Variants in MTMR14 observed in about 807,000 individuals in gnomAD.
The protein encoded by MTMR14 is myotubularin related protein 14.
In MTMR14, 48 loss-of-function variants were observed where a neutral mutation model predicts 86.3. The observed-to-expected ratio is 0.56, with a 90% CI of 0.44 to 0.71. The LOEUF (loss-of-function observed/expected upper bound fraction) is 0.71. Among genes scored for constraint, MTMR14 ranks in the 30% least tolerant of loss-of-function variants. The pLI, the probability that MTMR14 is intolerant of heterozygous loss-of-function variation, is 0.00. For missense variants in MTMR14, 780 were observed against 834.6 expected (o/e 0.93, Z 0.81); for synonymous variants, 366 against 326.1 (o/e 1.12, Z -1.32).
intron 2 of MTMR14, 57 bp downstream of exon 2, chr3:9,653,826 T>G: frequency 6.2e-7 from 1 of 1,610,414 alleles, no homozygotes; most frequent in South Asian, 1.1e-5. Context: ...AGCTAATCCC[T>G]GTGGCCAGGA....
rs569533704 is a variant in MTMR14 at position 9,677,953 on chromosome 3, C to G, written c.823-31C>G. On this transcript the variant is annotated intron_variant, in intron 8 of 18. Coordinates refer to ENST00000296003, the MANE Select transcript of MTMR14 (RefSeq NM_001077525.3). This position sits in a 1 kb window ranked among gnomAD's most constrained non-coding sequence, Gnocchi z 4.2. Reference sequence around the variant, plus strand: ...ACCTAAGCCTCCTCTGGTGGCCAACCCACATCTCACAGGAGTCTTTCTGTC... The same window carrying G: ...ACCTAAGCCTCCTCTGGTGGCCAACGCACATCTCACAGGAGTCTTTCTGTC... The G allele has an allele frequency of 9.9e-6, 16 of 1,610,960 alleles. No individual in the cohort carries two copies. In the South Asian group the frequency reaches 1.3e-4, roughly 13 times the overall value.
intron 1 of MTMR14, among the ~76,000 whole-genome samples, chr3:9,653,280 G>A (rs539933253): frequency 6.6e-6 from 1 of 152,322 alleles, no homozygotes; most frequent in Admixed American, 6.5e-5. Context: ...GAAGGTAGTG[G>A]ATTAGTGGCA....
chr3:9,650,519 CAG>C (rs1208655317), intron 1 of MTMR14: 1 of 367,340 alleles, frequency 2.7e-6, no homozygotes, highest in Non-Finnish European at 5.6e-6. Context: ...GATTTGACCT[CAG>C]AGATTACCGT....
chr3:9,682,953 C>T (rs1001765325), intron 9 of MTMR14, among the ~76,000 whole-genome samples: 3 of 152,026 alleles, frequency 2.0e-5, no homozygotes, highest in South Asian at 4.2e-4. Flanking sequence ...CGCCCCCGCC[C>T]CCCGAGTAGG....
At chr3:9,662,060 C>T (rs1418059877) in intron 2 of MTMR14, among the ~76,000 whole-genome samples, 1 of 151,722 alleles carries the variant, frequency 6.6e-6, no homozygotes, top group Non-Finnish European at 1.5e-5. Context: ...TGCACTCTAG[C>T]CTGGGCAACA....
chr3:9,690,728 C>G (rs1459113377), intron 17 of MTMR14, among the ~76,000 whole-genome samples: 1 of 152,224 alleles, frequency 6.6e-6, no homozygotes, highest in Non-Finnish European at 1.5e-5. Flanking sequence ...GAGGGCTGGT[C>G]TGGCACTTGG....
intron 16 of MTMR14, 41 bp from the exon 17 acceptor site, chr3:9,689,923 G>T: frequency 1.3e-6 from 2 of 1,581,030 alleles, no homozygotes; most frequent in Non-Finnish European, 1.7e-6. Flanking sequence ...GGCTTTGCCT[G>T]CAGTGGCCCC....
rs898779315 is a variant in MTMR14, at chr3:9,649,520, A to T, written c.-64A>T. On this transcript the variant is annotated 5_prime_UTR_variant, in exon 1 of 19. Coordinates refer to ENST00000296003, the MANE Select transcript of MTMR14 (RefSeq NM_001077525.3). Reference sequence around the variant, plus strand: ...GCGGTTCCGGAGGTTCTAGTGTCGGAGTTGGGTGCAGGCAGGTGCCATGGG... The same window carrying T: ...GCGGTTCCGGAGGTTCTAGTGTCGGTGTTGGGTGCAGGCAGGTGCCATGGG... 14 of 1,489,392 alleles carry T rather than the reference A, an allele frequency of 9.4e-6. 1 individual carries two copies. Among genetic ancestry groups the T allele is most frequent in the Middle Eastern group, 2.4e-4 (1 of 4,146 alleles). 92.3% of individuals were successfully genotyped at this position (1,489,392 alleles called of 1,614,324 possible). A position where few individuals can be genotyped will look rare whatever the true frequency, so the allele number is the denominator to read the frequency against.
intron 18 of MTMR14, among the ~76,000 whole-genome samples, chr3:9,699,129 G>A (rs2076375390): frequency 6.7e-6 from 1 of 149,626 alleles, no homozygotes; most frequent in Non-Finnish European, 1.5e-5. Flanking sequence ...TCGAGATCAT[G>A]CCATTGCACT....
chr3:9,678,170 G>A, intron 9 of MTMR14, 112 bp downstream of exon 9: 3 of 985,080 alleles, frequency 3.0e-6, no homozygotes, highest in Non-Finnish European at 4.6e-6. Context: ...GCTGGCTTGT[G>A]CACTCAGATG....
At chr3:9,654,577 C>T (rs1431821749) in intron 2 of MTMR14, among the ~76,000 whole-genome samples, 1 of 152,132 alleles carries the variant, frequency 6.6e-6, no homozygotes, top group Non-Finnish European at 1.5e-5. Context: ...ATGTTGATCT[C>T]AAAGTTTGCT....
chr3:9,676,979 G>A (rs1349340338), intron 7 of MTMR14, among the ~76,000 whole-genome samples: 1 of 152,246 alleles, frequency 6.6e-6, no homozygotes, highest in Non-Finnish European at 1.5e-5. Context: ...TGTTTACTGG[G>A]ATTGGCACTA....
chr3:9,659,560 C>A, intron 2 of MTMR14: 1 of 369,620 alleles, frequency 2.7e-6, no homozygotes, highest in African/African-American at 2.1e-5. Context: ...TCTCCTGCCT[C>A]AGCCTCCCGA....
At chr3:9,658,402 C>A (rs2047731040) in intron 2 of MTMR14, among the ~76,000 whole-genome samples, 1 of 152,198 alleles carries the variant, frequency 6.6e-6, no homozygotes, top group Non-Finnish European at 1.5e-5. Context: ...TGTTTGTCAA[C>A]AGTGTTCGTT....
intron 9 of MTMR14, among the ~76,000 whole-genome samples, chr3:9,678,308 G>T (rs1045411659): frequency 6.6e-6 from 1 of 152,176 alleles, no homozygotes; most frequent in African/African-American, 2.4e-5. Context: ...ATCCACCAGG[G>T]GGTTCTGTTT....
intron 9 of MTMR14, 32 bp from the exon 10 acceptor site, chr3:9,683,146 A>C: frequency 6.3e-7 from 1 of 1,590,706 alleles, no homozygotes; most frequent in Non-Finnish European, 8.6e-7. Flanking sequence ...AATCTGAGTT[A>C]ATGTCCATTT....
chr3:9,650,540 A>G (rs948555483), intron 1 of MTMR14: 9 of 353,012 alleles, frequency 2.5e-5, no homozygotes, highest in African/African-American at 8.5e-5. Context: ...GTGAGTTGCT[A>G]TTCTGTAGTT....
intron 5 of MTMR14, among the ~76,000 whole-genome samples, chr3:9,670,815 C>G (rs2048528031): frequency 6.6e-6 from 1 of 152,216 alleles, no homozygotes; most frequent in Non-Finnish European, 1.5e-5. Context: ...TTTCCACCTG[C>G]AAATTTCTCT....
chr3:9,659,622 T>C (rs921148617), intron 2 of MTMR14: 6 of 443,594 alleles, frequency 1.4e-5, no homozygotes, highest in African/African-American at 1.2e-4. Flanking sequence ...TTTTGTAGTT[T>C]TAGTATAGAC....
Sources: gnomAD v4.1 joint callset for allele counts (sites outside exome capture counted in the v4.1 genomes callset) on GRCh38, gnomAD v4.1.1 for gene constraint, Gnocchi (gnomAD v3.1) non-coding constraint, MANE v1.5 for transcripts, NCBI Gene and HGNC (gene_info 2026-07-23, HGNC 2026-07-21) for gene names.